Variants in TIAM1 observed in about 807,000 individuals in gnomAD.
The protein encoded by TIAM1 is rho guanine nucleotide exchange factor TIAM1.
Under a neutral mutation model 163.5 loss-of-function variants are expected in TIAM1, and 65 were observed. The ratio of observed to expected loss-of-function variants is 0.40; its 90% CI spans 0.33 to 0.49. TIAM1 has a LOEUF of 0.49. Ranked by LOEUF, TIAM1 falls within the 20% of genes least tolerant of loss-of-function variation. The pLI is 0.77. For synonymous variants in TIAM1, 833 were observed against 810.1 expected, an observed-to-expected ratio of 1.03 and a Z score of -0.48; for missense variants, 1,789 against 2,044.7, an observed-to-expected ratio of 0.87 and a Z score of 2.41.
intron 15 of TIAM1, among the ~76,000 whole-genome samples, chr21:31,172,316 A>G (rs954024560): frequency 6.6e-6 from 1 of 151,146 alleles, no homozygotes; most frequent in African/African-American, 2.4e-5. Flanking sequence ...TTTTTTTTTT[A>G]ATCCCATACA....
intron 13 of TIAM1, among the ~76,000 whole-genome samples, chr21:31,190,994 C>T (rs975374314): frequency 2.6e-5 from 4 of 152,094 alleles, no homozygotes; most frequent in South Asian, 2.1e-4. Context: ...GGCTGAATTT[C>T]GACTCTGCGG....
intron 6 of TIAM1, among the ~76,000 whole-genome samples, chr21:31,234,639 AG>A (rs369020496): frequency 4.5e-4 from 69 of 151,926 alleles, no homozygotes; most frequent in African/African-American, 1.4e-3. Flanking sequence ...AAATTAGCAA[AG>A]CATGGTGGTG....
At chr21:31,409,303 T>C (rs1459013697) in intron 2 of TIAM1, among the ~76,000 whole-genome samples, 1 of 151,996 alleles carries the variant, frequency 6.6e-6, no homozygotes, top group Non-Finnish European at 1.5e-5. Flanking sequence ...AGAGACGGGG[T>C]TTCACTATGT....
At chr21:31,341,322 G>C (rs142176211) in intron 1 of TIAM1, among the ~76,000 whole-genome samples, 3 of 152,106 alleles carry the variant, frequency 2.0e-5, no homozygotes, top group Admixed American at 6.6e-5. Context: ...CAGTCAAAAG[G>C]GGCAGAGCAA....
chr21:31,493,031 T>A (rs1002411810), intron 1 of TIAM1, among the ~76,000 whole-genome samples: 1 of 152,160 alleles, frequency 6.6e-6, no homozygotes, highest in African/African-American at 2.4e-5. Flanking sequence ...ATCTGTATGT[T>A]CTCAGATATC....
At chr21:31,469,746 G>A (rs961103229) in intron 1 of TIAM1, among the ~76,000 whole-genome samples, 4 of 151,886 alleles carry the variant, frequency 2.6e-5, no homozygotes, top group Admixed American at 1.3e-4. Context: ...GCAGAAGAAT[G>A]GTGTGAACCC....
chr21:31,258,828 A>C (rs1170240006), intron 4 of TIAM1, among the ~76,000 whole-genome samples: 2 of 138,224 alleles, frequency 1.4e-5, no homozygotes, highest in African/African-American at 5.1e-5. Flanking sequence ...AAAAAAAAAA[A>C]ACCAGAAAGA....
intron 6 of TIAM1, among the ~76,000 whole-genome samples, chr21:31,241,709 A>C (rs188193193): frequency 6.6e-6 from 1 of 152,330 alleles, no homozygotes; most frequent in Admixed American, 6.5e-5. Flanking sequence ...TAAACAACAA[A>C]CAACAATAAA....
intron 25 of TIAM1, among the ~76,000 whole-genome samples, 162 bp from the exon 26 acceptor site, chr21:31,127,314 G>A (rs2070411): frequency 0.47 from 72,190 of 152,024 alleles, 17,353 homozygotes; most frequent in East Asian, 0.58. Context: ...GAGATGAAGC[G>A]ACTGAAAGCT....
intron 2 of TIAM1, among the ~76,000 whole-genome samples, chr21:31,445,284 T>A (rs1448457918): frequency 1.3e-5 from 2 of 152,232 alleles, no homozygotes; most frequent in Admixed American, 1.3e-4. Flanking sequence ...ATTGTATTAC[T>A]GTGCCCCTGC....
Position 31,155,695 on chromosome 21 carries a change from G to A in TIAM1, c.2992-1269C>T, listed in dbSNP as rs997649342. Among the ~76,000 whole-genome samples, 69 of 151,904 alleles carry A rather than the reference G, an allele frequency of 4.5e-4. 1 individual carries two copies. The highest frequency in any genetic ancestry group is 1.5e-4 in the Non-Finnish European group (10 of 67,966). ...ATTTTTTTGTATTTTTAGGAGAGAC[G>A]GGATTTCAACATGTTGGCCAGGATG... is the stretch of plus-strand genomic sequence containing the variant. On this transcript the variant is annotated intron_variant, in intron 16 of 27. Transcript: ENST00000541036.
At chr21:31,475,481 TTAAA>T (rs1183180970) in intron 1 of TIAM1, among the ~76,000 whole-genome samples, 13 of 152,230 alleles carry the variant, frequency 8.5e-5, no homozygotes, top group African/African-American at 3.1e-4. Flanking sequence ...CATGTAGGTA[TTAAA>T]TAAATGTTAT....
At chr21:31,296,733 A>G (rs1034055292) in intron 2 of TIAM1, among the ~76,000 whole-genome samples, 3 of 151,628 alleles carry the variant, frequency 2.0e-5, no homozygotes, top group Non-Finnish European at 4.4e-5. Flanking sequence ...GTGCGATCTC[A>G]GCTTACTGCA....
Position 31,453,981 on chromosome 21 carries a change from A to G in TIAM1, c.-369+10002T>C, listed in dbSNP as rs577603971. 6.0e-4 allele frequency among the ~76,000 whole-genome samples: 91 copies of G among 152,270 alleles called. 1 individual carries two copies. The highest frequency in any genetic ancestry group is 2.1e-3 in the African/African-American group (86 of 41,546). On this transcript the variant is annotated intron_variant, in intron 2 of 28. Transcript: ENST00000286827. ...CCTCTTCCCAGAATGCTCTTCCTCC[A>G]TAGACACATTTCCTTCCATTGTTTG...
chr21:31,418,202 C>T (rs13050668), intron 2 of TIAM1, among the ~76,000 whole-genome samples: 19,214 of 151,748 alleles, frequency 0.13, 1,861 homozygotes, highest in African/African-American at 0.26. Context: ...ATTAGCAGGG[C>T]GTGGTGGCAC....
intron 2 of TIAM1, among the ~76,000 whole-genome samples, chr21:31,333,619 T>A (rs1178640180): frequency 6.6e-6 from 1 of 152,168 alleles, no homozygotes; most frequent in Non-Finnish European, 1.5e-5. Flanking sequence ...TTTTATTTTC[T>A]TGTAAAGATG....
intron 1 of TIAM1, among the ~76,000 whole-genome samples, chr21:31,467,041 G>C (rs78854412): frequency 1.2e-3 from 181 of 150,470 alleles, no homozygotes; most frequent in Middle Eastern, 7.0e-3. Flanking sequence ...GGAAGCTTGC[G>C]ATCACTAACA....
chr21:31,470,201 C>T (rs1042331863), intron 1 of TIAM1, among the ~76,000 whole-genome samples: 6 of 151,620 alleles, frequency 4.0e-5, no homozygotes, highest in Non-Finnish European at 7.4e-5. Flanking sequence ...GACAGGGTTT[C>T]ACCATATTGG....
intron 2 of TIAM1, among the ~76,000 whole-genome samples, chr21:31,350,338 C>G (rs552608259): frequency 4.6e-5 from 7 of 152,214 alleles, no homozygotes; most frequent in Non-Finnish European, 8.8e-5. Context: ...CAGTAACTGT[C>G]ACTTTAAAAT....
Sources: allele counts gnomAD v4.1 joint callset (sites outside exome capture counted in the v4.1 genomes callset), GRCh38; gene constraint gnomAD v4.1.1; transcripts MANE v1.5; gene names NCBI Gene and HGNC (gene_info 2026-07-23, HGNC 2026-07-21).